THAP2: variants seen among roughly 807,000 people sequenced by gnomAD.
THAP2 encodes the protein THAP domain containing 2.
Under a neutral mutation model 18.8 loss-of-function variants are expected in THAP2, and 16 were observed. The observed-to-expected ratio is 0.85, with a 90% CI of 0.58 to 1.29. The LOEUF (loss-of-function observed/expected upper bound fraction) is 1.29. THAP2 is among the 50% of genes most tolerant of loss of function. THAP2 has a pLI of 0.00. For missense variants in THAP2, 251 were observed against 265.3 expected, an observed-to-expected ratio of 0.95 and a Z score of 0.38; for synonymous variants, 80 against 89.2, an observed-to-expected ratio of 0.90 and a Z score of 0.58.
At chr12:71,669,903 G>A (rs1253506041) in intron 1 of THAP2, among the ~76,000 whole-genome samples, 2 of 149,542 alleles carry the variant, frequency 1.3e-5, no homozygotes, top group African/African-American at 5.0e-5. Flanking sequence ...GTTGCAGTGA[G>A]CTGAGATCCT....
chr12:71,674,997 CA>C (rs201970891), intron 2 of THAP2, among the ~76,000 whole-genome samples: 10,181 of 147,872 alleles, frequency 0.069, 377 homozygotes, highest in South Asian at 0.09. Flanking sequence ...AAAAATGAAG[CA>C]AAAAAAAGTA....
rs1386425386 is a variant in THAP2 at position 71,674,271 on chromosome 12, G to T, written c.140G>T (p.Gly47Val). The change falls in exon 2 of 3, where the codon GGA becomes GTA. Residue 47 changes from glycine to valine, a missense_variant. By Grantham distance (109) the Gly-to-Val change is moderately radical. Transcript: ENST00000308086. The part of the protein sequence containing the change: ...RLVRRKNFVP[G>V]KHTFLCSKHF... ...GTTAGGCGCAAAAATTTTGTGCCAGGAAAACACACTTTTCTTTGTTCAAAG... is the reference window on the plus strand; with the variant it reads ...GTTAGGCGCAAAAATTTTGTGCCAGTAAAACACACTTTTCTTTGTTCAAAG... 2 of 1,613,138 alleles carry T rather than the reference G, an allele frequency of 1.2e-6. No homozygotes were observed. Among genetic ancestry groups the T allele is most frequent in the Admixed American group, 3.3e-5 (2 of 59,954 alleles).
intron 1 of THAP2, among the ~76,000 whole-genome samples, chr12:71,672,330 C>A (rs1881454590): frequency 6.6e-6 from 1 of 152,180 alleles, no homozygotes; most frequent in Non-Finnish European, 1.5e-5. Context: ...AAACCTCTTT[C>A]TAAAATTATC....
chr12:71,669,819 G>A (rs1217122645), intron 1 of THAP2, among the ~76,000 whole-genome samples: 1 of 151,860 alleles, frequency 6.6e-6, no homozygotes, highest in Non-Finnish European at 1.5e-5. Flanking sequence ...AATTAGCCAG[G>A]TGTGGTGGGC....
rs1881547519 is a variant in THAP2, at chr12:71,678,025, T to A, written c.*917T>A. ...TAGTGGGCTTTTTTTTTCCTCTTCA[T>A]AAACCCACAGTAAAATTTAATCACA... On this transcript the variant is annotated 3_prime_UTR_variant, in exon 3 of 3. Coordinates refer to ENST00000308086, the MANE Select transcript of THAP2 (RefSeq NM_031435.4). The A allele has an allele frequency of 6.6e-6, 1 of 152,120 alleles. No individual in the cohort carries two copies. 9.4% of individuals were successfully genotyped at this position (152,120 alleles called of 1,614,324 possible). A position where few individuals can be genotyped will look rare whatever the true frequency, so the allele number is the denominator to read the frequency against.
chr12:71,671,031 A>G (rs1287993863), intron 1 of THAP2, among the ~76,000 whole-genome samples: 8 of 151,958 alleles, frequency 5.3e-5, no homozygotes, highest in Non-Finnish European at 7.4e-5. Context: ...TCATCTTTAC[A>G]TTGAGTAGGC....
At chr12:71,670,955 A>AT (rs1881427257) in intron 1 of THAP2, among the ~76,000 whole-genome samples, 1 of 150,578 alleles carries the variant, frequency 6.6e-6, no homozygotes, top group Admixed American at 6.6e-5. Context: ...AAAAAAAAAA[A>AT]TTAAGAGAAA....
At chr12:71,669,810 A>G (rs1434487118) in intron 1 of THAP2, among the ~76,000 whole-genome samples, 2 of 151,978 alleles carry the variant, frequency 1.3e-5, no homozygotes, top group East Asian at 3.9e-4. Context: ...TAGAAAAAAA[A>G]TTAGCCAGGT....
Position 71,664,391 on chromosome 12 carries a change from C to A in THAP2, c.-119C>A. 1.6e-6 allele frequency: 2 copies of A among 1,258,194 alleles called. No individual in the cohort carries two copies. Among genetic ancestry groups the A allele is most frequent in the South Asian group, 1.2e-5 (1 of 82,544 alleles). 77.9% of individuals were successfully genotyped at this position (1,258,194 alleles called of 1,614,324 possible). A position where few individuals can be genotyped will look rare whatever the true frequency, so the allele number is the denominator to read the frequency against. ...ACCCCTTCTTCCCACTCCGCTCTCA[C>A]GACTAAGCTCTCACGATTAAGGCAC... On this transcript the variant is annotated 5_prime_UTR_variant, in exon 1 of 3. Transcript: ENST00000308086.
rs1478210447 is a variant in THAP2, at chr12:71,678,943, G to A, written c.*1835G>A. Reference sequence around the variant, plus strand: ...TTACATATTTATTTTTTTCTAGTATGGTTTCAAATAACTTTTTGCCAACAT... The same window carrying A: ...TTACATATTTATTTTTTTCTAGTATAGTTTCAAATAACTTTTTGCCAACAT... On this transcript the variant is annotated 3_prime_UTR_variant, in exon 3 of 3. Coordinates refer to ENST00000308086, the MANE Select transcript of THAP2 (RefSeq NM_031435.4). 6.6e-6 allele frequency: 1 copy of A among 151,868 alleles called. No individual in the cohort carries two copies. 9.4% of individuals were successfully genotyped at this position (151,868 alleles called of 1,614,324 possible).
At position 71,678,172 on chromosome 12, in the gene THAP2, G is replaced by C. The variant is rs1489457608; in HGVS notation, c.*1064G>C. ...GTGAAATAGAGCAACTAGCATGCCT[G>C]TGTTCCCAGCTACTTGGGAGGCTAA... On this transcript the variant is annotated 3_prime_UTR_variant, in exon 3 of 3. Coordinates refer to ENST00000308086, the MANE Select transcript of THAP2 (RefSeq NM_031435.4). 6.6e-6 allele frequency: 1 copy of C among 152,226 alleles called. No homozygotes were observed. The highest frequency in any genetic ancestry group is 2.4e-5 in the African/African-American group (1 of 41,422). The allele number at this position is 152,226 out of a possible 1,614,324, so 9.4% of individuals were successfully genotyped here. A position where few individuals can be genotyped will look rare whatever the true frequency, so the allele number is the denominator to read the frequency against.
At chr12:71,665,145 T>C (rs1416322498) in intron 1 of THAP2, 1 of 551,574 alleles carries the variant, frequency 1.8e-6, no homozygotes, top group African/African-American at 1.9e-5. Flanking sequence ...AGGTTTTCTT[T>C]TGTTTGCTGG....
In THAP2 at chr12:71,677,242, A is replaced by G; in HGVS notation, c.*134A>G. On this transcript the variant is annotated 3_prime_UTR_variant, in exon 3 of 3. Transcript: ENST00000308086. ...ACATTACTGAATTTGTGAAGACTTG[A>G]TTACAAAAGAATAAAAAACTTCATA... is the stretch of plus-strand genomic sequence containing the variant. 1.2e-6 allele frequency: 1 copy of G among 821,482 alleles called. No homozygotes were observed. Among genetic ancestry groups the G allele is most frequent in the South Asian group, 4.6e-5 (1 of 21,800 alleles). 50.9% of individuals were successfully genotyped at this position (821,482 alleles called of 1,614,324 possible).
At position 71,677,326 on chromosome 12, in the gene THAP2, A is replaced by G; in HGVS notation, c.*218A>G. 1 of 371,364 alleles carries G rather than the reference A, an allele frequency of 2.7e-6. No homozygotes were observed. The highest frequency in any genetic ancestry group is 4.6e-5 in the East Asian group (1 of 21,716). The allele number at this position is 371,364 out of a possible 1,614,324, so 23.0% of individuals were successfully genotyped here. A position where few individuals can be genotyped will look rare whatever the true frequency, so the allele number is the denominator to read the frequency against. On this transcript the variant is annotated 3_prime_UTR_variant, in exon 3 of 3. Transcript: ENST00000308086. The stretch of plus-strand genomic sequence containing the variant: ...TTACATTAGAATTACGGACTTAAAA[A>G]TTTTGCTAATAAATTGTGTGTTTGA...
At chr12:71,664,703 A>G in intron 1 of THAP2, 123 bp downstream of exon 1, 3 of 1,068,150 alleles carry the variant, frequency 2.8e-6, no homozygotes, top group Non-Finnish European at 4.3e-6. Context: ...GCAGGGAAGC[A>G]TCGTATGTCC....
At chr12:71,671,223 T>C (rs1174856287) in intron 1 of THAP2, among the ~76,000 whole-genome samples, 1 of 152,206 alleles carries the variant, frequency 6.6e-6, no homozygotes, top group East Asian at 1.9e-4. Context: ...CCAATCCTTC[T>C]TCCCTGTTTG....
In THAP2 at chr12:71,676,740, G is replaced by A; in HGVS notation, c.319G>A (p.Gly107Arg). 1 of 1,605,512 alleles carries A rather than the reference G, an allele frequency of 6.2e-7. No homozygotes were observed. Among genetic ancestry groups the A allele is most frequent in the South Asian group, 1.1e-5 (1 of 88,758 alleles). ...GAAAAACAACAGTTGTTCTCCAGCTGGACCATCTAATTTAAAATCAAACAT... is the reference window on the plus strand; with the variant it reads ...GAAAAACAACAGTTGTTCTCCAGCTAGACCATCTAATTTAAAATCAAACAT... The part of the protein sequence containing the change: ...LKKNNSCSPA[G>R]PSNLKSNISS... Residue 107 changes from glycine (G) to arginine (R), a missense_variant, in exon 3 of 3, where the codon GGA (glycine) becomes AGA (arginine). Physicochemically the swap from Gly to Arg is moderately radical, Grantham distance 125. Coordinates refer to ENST00000308086, the MANE Select transcript of THAP2 (RefSeq NM_031435.4).
Position 71,676,787 on chromosome 12 carries a change from T to G in THAP2, c.366T>G (p.Leu122=). The part of the protein sequence containing the change: ...KSNISSQQVL[L]EHSYAFRNPM... Reference sequence around the variant, plus strand: ...ACATTAGTAGTCAGCAAGTACTACTTGAACACAGCTATGCCTTTAGGAATC... The same window carrying G: ...ACATTAGTAGTCAGCAAGTACTACTGGAACACAGCTATGCCTTTAGGAATC... Residue 122 remains leucine (L), a synonymous_variant, in exon 3 of 3, where the codon CTT becomes CTG. Transcript: ENST00000308086. 4 of 1,613,456 alleles carry G rather than the reference T, an allele frequency of 2.5e-6. No individual in the cohort carries two copies. The Admixed American group carries it at 5.0e-5, about 20-fold the overall frequency.
chr12:71,665,704 G>A (rs1412074996), intron 1 of THAP2: 3 of 152,206 alleles, frequency 2.0e-5, no homozygotes, highest in Non-Finnish European at 4.4e-5. Context: ...GAGACCAAAG[G>A]ATGACAGATT....
Sources: gnomAD v4.1 joint callset for allele counts (sites outside exome capture counted in the v4.1 genomes callset) on GRCh38, gnomAD v4.1.1 for gene constraint, MANE v1.5 for transcripts, NCBI Gene and HGNC (gene_info 2026-07-23, HGNC 2026-07-21) for gene names.